LRRC45: variants seen among roughly 807,000 people sequenced by gnomAD.
LRRC45 encodes leucine-rich repeat-containing protein 45.
Under a neutral mutation model 85.4 loss-of-function variants are expected in LRRC45, and 73 were observed. The observed-to-expected ratio is 0.85, with a 90% CI of 0.71 to 1.04. The LOEUF (loss-of-function observed/expected upper bound fraction) is 1.04, where lower values mean the gene tolerates loss of function less well. Among genes scored for constraint, LRRC45 ranks in the 50% least tolerant of loss-of-function variants. The probability of loss-of-function intolerance (pLI) is 0.00; values close to 1 mark genes in which losing one functional copy is unlikely to be tolerated. For missense variants in LRRC45, 937 were observed against 883.3 expected, an observed-to-expected ratio of 1.06 and a Z score of -0.77; for synonymous variants, 429 against 386.0, an observed-to-expected ratio of 1.11 and a Z score of -1.31.
chr17:82,026,028 GC>G (rs921013880), intron 5 of LRRC45, among the ~76,000 whole-genome samples: 5 of 152,138 alleles, frequency 3.3e-5, no homozygotes, highest in Non-Finnish European at 7.4e-5. Flanking sequence ...ACTTTGCCAG[GC>G]CCCCCGTACT....
intron 13 of LRRC45, 155 bp downstream of exon 13, chr17:82,029,340 G>A: frequency 1.1e-6 from 1 of 895,486 alleles, no homozygotes; most frequent in Non-Finnish European, 1.7e-6. Context: ...GTGTGCCCAA[G>A]AAGCTAAAGG....
chr17:82,026,286 G>A (rs2043367183), intron 5 of LRRC45, among the ~76,000 whole-genome samples: 1 of 152,204 alleles, frequency 6.6e-6, no homozygotes, highest in Admixed American at 6.5e-5. Context: ...TGGGATGGTG[G>A]CCAGATGCCC....
At chr17:82,026,450 G>A (rs745785331) in intron 5 of LRRC45, among the ~76,000 whole-genome samples, 3 of 152,160 alleles carry the variant, frequency 2.0e-5, no homozygotes, top group Non-Finnish European at 2.9e-5. Context: ...CTGACTTGCC[G>A]GGTGAGACGC....
chr17:82,031,048 C>T lies in LRRC45; in HGVS notation c.*243C>T. On this transcript the variant is annotated 3_prime_UTR_variant, in exon 17 of 17. Transcript: ENST00000306688. The stretch of plus-strand genomic sequence containing the variant: ...CGTGGGAGCACACCGGGAAGGGGTC[C>T]CGCGGGCGCGTCTCCCCCTCGCCTT... 2.6e-6 allele frequency: 1 copy of T among 390,428 alleles called. No homozygotes were observed. Among genetic ancestry groups the T allele is most frequent in the East Asian group, 3.6e-5 (1 of 27,568 alleles). The allele number at this position is 390,428 out of a possible 1,614,324, so 24.2% of individuals were successfully genotyped here.
rs777445398 is a variant in LRRC45 at position 82,025,005 on chromosome 17, C to G, written c.359C>G (p.Thr120Arg). 3 of 1,579,048 alleles carry G rather than the reference C, an allele frequency of 1.9e-6. No homozygotes were observed. The highest frequency in any genetic ancestry group is 2.3e-5 in the South Asian group (2 of 86,250). Reference sequence around the variant, plus strand: ...GGCTTCTGCCCCTCCTGCAGCCTCACGCTGGAGTGGAACAGCCTGGGCACG... The same window carrying G: ...GGCTTCTGCCCCTCCTGCAGCCTCAGGCTGGAGTGGAACAGCCTGGGCACG... ...LQQNKSIQSL[T>R]LEWNSLGTWD... Residue 120 changes from threonine (T) to arginine (R), a missense_variant, in exon 4 of 17, where the codon ACG becomes AGG. Coordinates refer to ENST00000306688, the MANE Select transcript of LRRC45 (RefSeq NM_144999.4).
Position 82,024,266 on chromosome 17 carries a change from C to T in LRRC45, c.221-12C>T. 1 of 1,611,276 alleles carries T rather than the reference C, an allele frequency of 6.2e-7. No individual in the cohort carries two copies. Among genetic ancestry groups the T allele is most frequent in the Non-Finnish European group, 8.5e-7 (1 of 1,179,828 alleles). ...CAGGGGCAGAGAGTGACCGCCGGCC[C>T]CCCTTACACAGGGGCCACACTGCTG... On this transcript the variant is annotated splice_polypyrimidine_tract_variant and intron_variant, in intron 1 of 16. Coordinates refer to ENST00000306688, the MANE Select transcript of LRRC45 (RefSeq NM_144999.4).
chr17:82,024,395 G>A (rs1228681663), intron 2 of LRRC45, 56 bp downstream of exon 2: 4 of 1,599,016 alleles, frequency 2.5e-6, no homozygotes, highest in East Asian at 4.5e-5. Context: ...CAAGAGGAGA[G>A]GTGGAAGATG....
intron 8 of LRRC45, 86 bp downstream of exon 8, chr17:82,027,837 T>A (rs2043381732): frequency 3.2e-6 from 5 of 1,547,726 alleles, no homozygotes; most frequent in Non-Finnish European, 3.5e-6. Context: ...AAGTCCTGTT[T>A]GCAAAGCAGA....
At position 82,027,068 on chromosome 17, in the gene LRRC45, C is replaced by T. The variant is rs1192766984; in HGVS notation, c.774+57C>T. 1.6e-5 allele frequency: 22 copies of T among 1,393,996 alleles called. No homozygotes were observed. The South Asian group carries it at 1.8e-4, about 12-fold the overall frequency. The allele number at this position is 1,393,996 out of a possible 1,614,324, so 86.4% of individuals were successfully genotyped here. On this transcript the variant is annotated intron_variant, in intron 6 of 16. Coordinates refer to ENST00000306688, the MANE Select transcript of LRRC45 (RefSeq NM_144999.4). ...TGCTTATGGCTGGAGGGCCTGGCCA[C>T]GTCCTTCCTCCCTCAGCCCCGTGGT...
chr17:82,025,637 G>A, intron 5 of LRRC45, 130 bp downstream of exon 5: 1 of 1,218,740 alleles, frequency 8.2e-7, no homozygotes, highest in East Asian at 2.7e-5. Context: ...AAGCAGGAAG[G>A]AGCGGAGGGG....
chr17:82,024,153 G>A (rs750391806), intron 1 of LRRC45, 125 bp from the exon 2 acceptor site: 2 of 1,158,956 alleles, frequency 1.7e-6, no homozygotes, highest in Non-Finnish European at 2.4e-6. Flanking sequence ...CTTGGCCAGC[G>A]CCAACCCAGA....
In LRRC45 at chr17:82,030,754, C is replaced by A. The variant is rs763382179; in HGVS notation, c.1962C>A (p.Val654=). ...AQRASFLQNA[V]LAYVQASPVR... ...GGGCGAGCTTCCTGCAGAACGCCGT[C>A]CTGGCTTACGTGCAGGCGTCCCCCG... is the stretch of plus-strand genomic sequence containing the variant. Residue 654 remains valine, a synonymous_variant, in exon 17 of 17, where the codon GTC becomes GTA. Transcript: ENST00000306688. 3 of 1,463,558 alleles carry A rather than the reference C, an allele frequency of 2.0e-6. No individual in the cohort carries two copies. Among genetic ancestry groups the A allele is most frequent in the African/African-American group, 1.4e-5 (1 of 69,074 alleles). 90.7% of individuals were successfully genotyped at this position (1,463,558 alleles called of 1,614,324 possible).
Position 82,028,951 on chromosome 17 carries a change from C to T in LRRC45, c.1309-142C>T, listed in dbSNP as rs185625842. 4,316 of 795,300 alleles carry T rather than the reference C, an allele frequency of 5.4e-3. 27 individuals are homozygous for T. The highest frequency in any genetic ancestry group is 7.5e-3 in the Non-Finnish European group (3,669 of 488,882). The allele number at this position is 795,300 out of a possible 1,614,324, so 49.3% of individuals were successfully genotyped here. A position where few individuals can be genotyped will look rare whatever the true frequency, so the allele number is the denominator to read the frequency against. On this transcript the variant is annotated intron_variant, in intron 12 of 16. Coordinates refer to ENST00000306688, the MANE Select transcript of LRRC45 (RefSeq NM_144999.4). ...AGGGTGTGCATGCTGCGGTAGTTTC[C>T]TGCTAGGCCATCTGAGGCAGTGCTT...
Position 82,027,462 on chromosome 17 carries a change from AG to A in LRRC45, c.833+22del. The A allele has an allele frequency of 6.2e-7, 1 of 1,612,552 alleles. No homozygotes were observed. Among genetic ancestry groups the A allele is most frequent in the South Asian group, 1.1e-5 (1 of 91,088 alleles). On this transcript the variant is annotated intron_variant, in intron 7 of 16. Transcript: ENST00000306688. ...AGCAGCAGGTGAGCGGGCCCAGGGC[AG>A]GGGCAGGGTGAGGCTTCAGGGATCA...
At chr17:82,027,812 T>C in intron 8 of LRRC45, 61 bp downstream of exon 8, 1 of 1,568,634 alleles carries the variant, frequency 6.4e-7, no homozygotes. Flanking sequence ...AGAAAGGTGG[T>C]GTGAACCTGT....
rs765790201 is a variant in LRRC45 at position 82,024,737 on chromosome 17, C to T, written c.327C>T (p.Leu109=). 47 of 1,578,708 alleles carry T rather than the reference C, an allele frequency of 3.0e-5. No individual in the cohort carries two copies. The highest frequency in any genetic ancestry group is 3.9e-5 in the Non-Finnish European group (46 of 1,166,610). The part of the protein sequence containing the change: ...RAAGAEALGK[L]LQQNKSIQSL... ...CAGGGGCCGAGGCTCTGGGAAAACTCCTCCAACAGAACAAGTCCATTCAGA... is the reference window on the plus strand; with the variant it reads ...CAGGGGCCGAGGCTCTGGGAAAACTTCTCCAACAGAACAAGTCCATTCAGA... Residue 109 remains leucine (L), a synonymous_variant, in exon 3 of 17, where the codon CTC becomes CTT. Transcript: ENST00000306688.
chr17:82,023,738 G>A lies in LRRC45; in HGVS notation c.95G>A (p.Arg32Lys), dbSNP rs375184869. The stretch of plus-strand genomic sequence containing the variant: ...CTGCAGCAGCTGCACCAGCTTCCCA[G>A]GGGCCGGCTGGACCTGGCCACGCAA... Reference protein sequence around the residue: ...AVLQQLHQLPRGRLDLATQSL... With the variant: ...AVLQQLHQLPKGRLDLATQSL... The change falls in exon 1 of 17, where the codon AGG (arginine) becomes AAG (lysine). Residue 32 changes from arginine to lysine, a missense_variant. Transcript: ENST00000306688. 122 of 1,551,118 alleles carry A rather than the reference G, an allele frequency of 7.9e-5. 9 individuals carry two copies. The highest frequency in any genetic ancestry group is 2.4e-5 in the South Asian group (2 of 84,490).
rs569791120 is a variant in LRRC45, at chr17:82,029,473, G to A, written c.1402-70G>A. The A allele has an allele frequency of 1.2e-3, 1,754 of 1,497,496 alleles. 1 individual carries two copies. The highest frequency in any genetic ancestry group is 1.4e-3 in the Non-Finnish European group (1,591 of 1,102,128). 92.8% of individuals were successfully genotyped at this position (1,497,496 alleles called of 1,614,324 possible). A position where few individuals can be genotyped will look rare whatever the true frequency, so the allele number is the denominator to read the frequency against. On this transcript the variant is annotated intron_variant, in intron 13 of 16. Coordinates refer to ENST00000306688, the MANE Select transcript of LRRC45 (RefSeq NM_144999.4). ...GAGCCCCCCTGGCTGGGGTTGGCTG[G>A]ATGGGCCAGAGAGAGAAGGGCCCTG...
rs2043361129 is a variant in LRRC45, at chr17:82,025,518, G to A, written c.661+11G>A. Reference sequence around the variant, plus strand: ...TCCTCAGAGCCGTGGGTACGGTGCAGGGCTGTGTGGAGTGACGCGTGAGCC... The same window carrying A: ...TCCTCAGAGCCGTGGGTACGGTGCAAGGCTGTGTGGAGTGACGCGTGAGCC... On this transcript the variant is annotated intron_variant, in intron 5 of 16. Transcript: ENST00000306688. 6.4e-7 allele frequency: 1 copy of A among 1,560,352 alleles called. No individual in the cohort carries two copies. The highest frequency in any genetic ancestry group is 1.4e-5 in the African/African-American group (1 of 73,162).
Sources: allele counts gnomAD v4.1 joint callset (sites outside exome capture counted in the v4.1 genomes callset), GRCh38; gene constraint gnomAD v4.1.1; transcripts MANE v1.5; gene names NCBI Gene and HGNC (gene_info 2026-07-23, HGNC 2026-07-21).